WWOX: variants seen among roughly 807,000 people sequenced by gnomAD.
The protein encoded by WWOX is WW domain-containing oxidoreductase.
A neutral mutation model predicts 46.2 loss-of-function variants in WWOX; 69 were observed. The ratio of observed to expected loss-of-function variants is 1.49; its 90% CI spans 1.23 to 1.82. The LOEUF is 1.82. Among genes scored for constraint, WWOX ranks in the 40% most tolerant of loss-of-function variants. WWOX has a pLI of 0.00. For missense variants in WWOX, 919 were observed against 542.6 expected, an observed-to-expected ratio of 1.69 and a Z score of -6.89; for synonymous variants, 359 against 202.6, an observed-to-expected ratio of 1.77 and a Z score of -6.56.
chr16:79,172,860 GA>G (rs67426071), intron 8 of WWOX, among the ~76,000 whole-genome samples: 75,895 of 145,276 alleles, frequency 0.52, 20,312 homozygotes, highest in East Asian at 0.85. Flanking sequence ...CCTGCAAAAA[GA>G]AAAAAAAAAA....
At chr16:78,692,872 T>C (rs2048022155) in intron 8 of WWOX, among the ~76,000 whole-genome samples, 1 of 152,218 alleles carries the variant, frequency 6.6e-6, no homozygotes, top group African/African-American at 2.4e-5. Context: ...CCATGTTGTT[T>C]ATAGTAAAAA....
At chr16:78,432,434 G>A in intron 7 of WWOX, 54 bp from the exon 8 acceptor site, 1 of 1,603,728 alleles carries the variant, frequency 6.2e-7, no homozygotes, top group Admixed American at 1.7e-5. Context: ...AAAATAAAAA[G>A]CTGTGTGGGA....
chr16:78,419,651 G>A (rs796941025), intron 6 of WWOX, among the ~76,000 whole-genome samples: 113 of 105,554 alleles, frequency 1.1e-3, no homozygotes, highest in African/African-American at 3.3e-3. Flanking sequence ...AAAAAAAAAA[G>A]GGTCAGAGAC....
chr16:78,356,147 A>G (rs1392450722), intron 5 of WWOX, among the ~76,000 whole-genome samples: 1 of 145,294 alleles, frequency 6.9e-6, no homozygotes, highest in Non-Finnish European at 1.5e-5. Context: ...AGGTCATGCC[A>G]CTGCACTCCA....
chr16:79,024,193 A>G (rs1477486866), intron 8 of WWOX, among the ~76,000 whole-genome samples: 1 of 152,162 alleles, frequency 6.6e-6, no homozygotes, highest in Non-Finnish European at 1.5e-5. Flanking sequence ...TGGTTGTACA[A>G]CCTTGTAAAT....
chr16:78,825,217 C>T (rs369485633), intron 8 of WWOX: 1 of 206,512 alleles, frequency 4.8e-6, no homozygotes, highest in African/African-American at 2.3e-5. Flanking sequence ...ACTGTCCTGA[C>T]TTGCTCTAGT....
chr16:78,273,324 A>G (rs879430325), intron 5 of WWOX, among the ~76,000 whole-genome samples: 13 of 151,214 alleles, frequency 8.6e-5, no homozygotes, highest in Non-Finnish European at 1.2e-4. Context: ...AGTTTCCCCA[A>G]GCTGATCAGT....
At chr16:78,235,553 C>T (rs781280389) in intron 5 of WWOX, among the ~76,000 whole-genome samples, 10 of 152,218 alleles carry the variant, frequency 6.6e-5, no homozygotes, top group Non-Finnish European at 1.2e-4. Context: ...AGCTCTCTGT[C>T]TGCATCTTCA....
At chr16:78,477,893 A>C (rs1761335039) in intron 8 of WWOX, among the ~76,000 whole-genome samples, 1 of 152,192 alleles carries the variant, frequency 6.6e-6, no homozygotes, top group Non-Finnish European at 1.5e-5. Context: ...AGGAAGTATA[A>C]AAGATATGGA....
intron 6 of WWOX, among the ~76,000 whole-genome samples, chr16:78,389,350 G>C (rs576817878): frequency 6.6e-6 from 1 of 152,282 alleles, no homozygotes; most frequent in African/African-American, 2.4e-5. Flanking sequence ...ATTCTTCTGG[G>C]CTCTGAGAAG....
chr16:78,872,552 T>G (rs2044150574), intron 8 of WWOX, among the ~76,000 whole-genome samples: 1 of 152,106 alleles, frequency 6.6e-6, no homozygotes, highest in Admixed American at 6.5e-5. Context: ...TAAGCCTCAA[T>G]TTCTTTGTTT....
intron 8 of WWOX, among the ~76,000 whole-genome samples, chr16:78,672,310 A>T (rs143486160): frequency 1.3e-5 from 2 of 152,342 alleles, no homozygotes; most frequent in African/African-American, 4.8e-5. Context: ...ATTCATCATG[A>T]AAATACAGCT....
At chr16:78,819,303 A>G (rs991257085) in intron 8 of WWOX, among the ~76,000 whole-genome samples, 7 of 152,170 alleles carry the variant, frequency 4.6e-5, no homozygotes, top group African/African-American at 1.4e-4. Context: ...GACAGGGCTT[A>G]CACACCGGAC....
chr16:78,642,555 A>G (rs957461545), intron 8 of WWOX, among the ~76,000 whole-genome samples: 1 of 152,114 alleles, frequency 6.6e-6, no homozygotes, highest in African/African-American at 2.4e-5. Flanking sequence ...TTTTCGCGCC[A>G]CCAGGAGCCA....
Position 78,142,882 on chromosome 16 carries a change from A to C in WWOX, c.410-21301A>C, listed in dbSNP as rs561517364. Reference sequence around the variant, plus strand: ...AATATTCGATGTTAAATTTGAACTAAAACACATAGCATCATATGACATGGA... The same window carrying C: ...AATATTCGATGTTAAATTTGAACTACAACACATAGCATCATATGACATGGA... On this transcript the variant is annotated intron_variant, in intron 4 of 8. Transcript: ENST00000566780. 1.2e-4 allele frequency among the ~76,000 whole-genome samples: 19 copies of C among 152,346 alleles called. No individual in the cohort carries two copies. In the South Asian group the frequency reaches 2.5e-3, roughly 20 times the overall value.
At chr16:78,626,149 G>A (rs1424518885) in intron 8 of WWOX, among the ~76,000 whole-genome samples, 1 of 148,216 alleles carries the variant, frequency 6.7e-6, no homozygotes, top group Non-Finnish European at 1.5e-5. Context: ...TTTTCTTTTT[G>A]AGATGGAGTC....
chr16:79,203,534 A>C (rs1170477162), intron 8 of WWOX: 2 of 139,944 alleles, frequency 1.4e-5, no homozygotes, highest in Non-Finnish European at 3.0e-5. Context: ...TTTCAGGACT[A>C]TGTTATAGAA....
At chr16:79,087,482 T>G (rs976310583) in intron 8 of WWOX, among the ~76,000 whole-genome samples, 2 of 152,332 alleles carry the variant, frequency 1.3e-5, no homozygotes, top group Admixed American at 1.3e-4. Context: ...TTGGAATAAC[T>G]TGTCTAAGAA....
intron 5 of WWOX, among the ~76,000 whole-genome samples, chr16:78,178,011 T>C (rs1288404733): frequency 6.6e-6 from 1 of 152,214 alleles, no homozygotes; most frequent in African/African-American, 2.4e-5. Context: ...CATTCCTCAC[T>C]TGTAGAAACT....
Sources: gnomAD v4.1 joint callset for allele counts (sites outside exome capture counted in the v4.1 genomes callset) on GRCh38, gnomAD v4.1.1 for gene constraint, MANE v1.5 for transcripts, NCBI Gene and HGNC (gene_info 2026-07-23, HGNC 2026-07-21) for gene names.